The following CNTN1 variants were observed in gnomAD, a reference collection of about 807,000 sequenced individuals.
CNTN1 encodes contactin 1.
Under a neutral mutation model 126.4 loss-of-function variants are expected in CNTN1, and 38 were observed. That is an observed-to-expected ratio of 0.30 (90% CI 0.23 to 0.39). The LOEUF (loss-of-function observed/expected upper bound fraction) is 0.39, where lower values mean the gene tolerates loss of function less well. Among genes scored for constraint, CNTN1 ranks in the 10% least tolerant of loss-of-function variants. The pLI is 1.00. For missense variants in CNTN1, 1,009 were observed against 1,248.4 expected (o/e 0.81, Z 2.89); for synonymous variants, 413 against 422.6 (o/e 0.98, Z 0.28).
intron 1 of CNTN1, among the ~76,000 whole-genome samples, chr12:40,797,479 TG>T (rs1940481661): frequency 6.6e-6 from 1 of 151,792 alleles, no homozygotes; most frequent in African/African-American, 2.4e-5. Flanking sequence ...GTGCCCAGGG[TG>T]ACTGGAATGT....
At chr12:40,765,121 G>A (rs1939028548) in intron 1 of CNTN1, among the ~76,000 whole-genome samples, 2 of 151,610 alleles carry the variant, frequency 1.3e-5, no homozygotes, top group Admixed American at 1.3e-4. Context: ...TAGGTTAATT[G>A]AGGATATTGT....
In CNTN1 at chr12:40,712,367, A is replaced by T. The variant is rs148900443; in HGVS notation, c.-77+19775A>T. Among the ~76,000 whole-genome samples the T allele has an allele frequency of 7.2e-3, 1,092 of 152,262 alleles. 9 individuals are homozygous for T. Among genetic ancestry groups the T allele is most frequent in the South Asian group, 9.9e-3 (48 of 4,830 alleles). ...TATGATTTTCTGTGACCAATGTAAT[A>T]GTAGTGGATAGGAACTAAGTAGAGG... On this transcript the variant is annotated intron_variant, in intron 1 of 23. Transcript: ENST00000551295.
chr12:40,718,401 G>A (rs1190888325), intron 1 of CNTN1, among the ~76,000 whole-genome samples: 2 of 151,820 alleles, frequency 1.3e-5, no homozygotes, highest in African/African-American at 4.8e-5. Context: ...GGATGGTCTC[G>A]ATCTCCTGAC....
At chr12:40,707,085 CA>C (rs1941775946) in intron 1 of CNTN1, among the ~76,000 whole-genome samples, 1 of 131,136 alleles carries the variant, frequency 7.6e-6, no homozygotes, top group African/African-American at 3.0e-5. Flanking sequence ...CACACACACA[CA>C]CACCCCTGCT....
chr12:41,037,335 A>T (rs1424661218), intron 23 of CNTN1, among the ~76,000 whole-genome samples: 1 of 152,192 alleles, frequency 6.6e-6, no homozygotes, highest in Non-Finnish European at 1.5e-5. Flanking sequence ...TGGTGGTCCC[A>T]TAAGATTATA....
chr12:40,888,864 C>A (rs1944146476), intron 1 of CNTN1, among the ~76,000 whole-genome samples: 1 of 152,122 alleles, frequency 6.6e-6, no homozygotes, highest in Admixed American at 6.5e-5. Flanking sequence ...AGATCCTTTC[C>A]CCTGATTTAG....
At chr12:40,886,754 A>G (rs1944047986) in intron 1 of CNTN1, among the ~76,000 whole-genome samples, 1 of 152,192 alleles carries the variant, frequency 6.6e-6, no homozygotes, top group Admixed American at 6.6e-5. Context: ...ATAAGGTGTA[A>G]GGAAGGGATC....
intron 16 of CNTN1, among the ~76,000 whole-genome samples, chr12:40,992,264 G>C (rs1331517229): frequency 6.6e-6 from 1 of 152,128 alleles, no homozygotes; most frequent in Non-Finnish European, 1.5e-5. Flanking sequence ...GGGGTGCTTA[G>C]CATTTATTGT....
chr12:41,011,783 T>C (rs1948661049), intron 17 of CNTN1, among the ~76,000 whole-genome samples: 1 of 152,210 alleles, frequency 6.6e-6, no homozygotes, highest in African/African-American at 2.4e-5. Flanking sequence ...CCTGCTATTA[T>C]GGCCCATGCT....
At chr12:40,952,176 A>T (rs926506114) in intron 14 of CNTN1, among the ~76,000 whole-genome samples, 2 of 152,152 alleles carry the variant, frequency 1.3e-5, no homozygotes, top group Non-Finnish European at 2.9e-5. Context: ...AAACAGCTTG[A>T]CTTGGTGAAA....
intron 23 of CNTN1, among the ~76,000 whole-genome samples, chr12:41,065,351 G>A (rs183684697): frequency 1.1e-4 from 17 of 152,278 alleles, no homozygotes; most frequent in African/African-American, 3.4e-4. Context: ...CACCGCACCC[G>A]GCCTCATTGC....
rs1201160822 is a variant in CNTN1 at position 40,743,149 on chromosome 12, G to A, written c.-77+50557G>A. ...AATAATTGGGACAGTTTTCTAACCAGTTGAGGTATTCACAAGCAATGGGGT... is the reference window on the plus strand; with the variant it reads ...AATAATTGGGACAGTTTTCTAACCAATTGAGGTATTCACAAGCAATGGGGT... On this transcript the variant is annotated intron_variant, in intron 1 of 23. Coordinates refer to ENST00000551295, the MANE Select transcript of CNTN1 (RefSeq NM_001843.4). Among the ~76,000 whole-genome samples, 3 of 152,032 alleles carry A rather than the reference G, an allele frequency of 2.0e-5. No individual in the cohort carries two copies. The East Asian group carries it at 5.8e-4, about 29-fold the overall frequency.
chr12:40,919,469 A>C (rs994524553), intron 4 of CNTN1, among the ~76,000 whole-genome samples: 3 of 152,186 alleles, frequency 2.0e-5, no homozygotes, highest in African/African-American at 7.2e-5. Flanking sequence ...AGTGGATTTA[A>C]ATTTCACCTG....
chr12:41,016,648 C>G, intron 18 of CNTN1, 34 bp from the exon 19 acceptor site: 1 of 1,423,564 alleles, frequency 7.0e-7, no homozygotes, highest in South Asian at 1.2e-5. Flanking sequence ...ACCTGTATTA[C>G]TAAAACCTAC....
chr12:41,070,885 T>C lies in CNTN1; in HGVS notation c.*850T>C, dbSNP rs1950145953. On this transcript the variant is annotated 3_prime_UTR_variant, in exon 24 of 24. Coordinates refer to ENST00000551295, the MANE Select transcript of CNTN1 (RefSeq NM_001843.4). The stretch of plus-strand genomic sequence containing the variant: ...ATGTGGAGTGACAAATTTTGAAAAG[T>C]AGAGTGCTTCCTTTTTTATTGAGAT... 6.6e-6 allele frequency: 1 copy of C among 152,066 alleles called. No individual in the cohort carries two copies. The highest frequency in any genetic ancestry group is 2.1e-4 in the South Asian group (1 of 4,834). 9.4% of individuals were successfully genotyped at this position (152,066 alleles called of 1,614,324 possible).
At chr12:40,843,411 T>C (rs1942368191) in intron 1 of CNTN1, among the ~76,000 whole-genome samples, 2 of 152,182 alleles carry the variant, frequency 1.3e-5, no homozygotes, top group Admixed American at 6.5e-5. Flanking sequence ...ATATTAGGGA[T>C]AAAAGTAATT....
At chr12:40,959,544 G>A (rs1947031284) in intron 15 of CNTN1, among the ~76,000 whole-genome samples, 1 of 152,072 alleles carries the variant, frequency 6.6e-6, no homozygotes, top group Non-Finnish European at 1.5e-5. Context: ...TTTTTAGTGT[G>A]TTGTGTATAG....
At chr12:41,039,224 A>G (rs1949339656) in intron 23 of CNTN1, among the ~76,000 whole-genome samples, 1 of 152,182 alleles carries the variant, frequency 6.6e-6, no homozygotes, top group South Asian at 2.1e-4. Context: ...TAGAAATCTC[A>G]TGAATGGTGG....
chr12:40,895,729 T>C (rs115628813), intron 1 of CNTN1, among the ~76,000 whole-genome samples: 2,872 of 151,826 alleles, frequency 0.019, 93 homozygotes, highest in African/African-American at 0.066. Context: ...ATGTTAACCA[T>C]TTAATAGTAA....
Sources: gnomAD v4.1 joint callset for allele counts (sites outside exome capture counted in the v4.1 genomes callset) on GRCh38, gnomAD v4.1.1 for gene constraint, MANE v1.5 for transcripts, NCBI Gene and HGNC (gene_info 2026-07-23, HGNC 2026-07-21) for gene names.